HNF1B: variants seen among roughly 807,000 people sequenced by gnomAD.
The protein encoded by HNF1B is hepatocyte nuclear factor 1-beta.
HNF1B carries 8 observed loss-of-function variants against 61.7 expected under a neutral mutation model. That is an observed-to-expected ratio of 0.13 (90% confidence interval 0.08 to 0.23). The LOEUF (loss-of-function observed/expected upper bound fraction) is 0.23, where lower values mean the gene tolerates loss of function less well. HNF1B is among the 10% of genes least tolerant of loss of function. The pLI is 1.00. For missense variants in HNF1B, 562 were observed against 714.5 expected, an observed-to-expected ratio of 0.79 and a Z score of 2.43; for synonymous variants, 314 against 287.7, an observed-to-expected ratio of 1.09 and a Z score of -0.93.
chr17:37,703,688 T>TTTA (rs1409038239), intron 6 of HNF1B, among the ~76,000 whole-genome samples: 1 of 152,214 alleles, frequency 6.6e-6, no homozygotes, highest in Admixed American at 6.5e-5. Flanking sequence ...GTGAGTTCTC[T>TTTA]AAATGCTTCC....
intron 2 of HNF1B, among the ~76,000 whole-genome samples, chr17:37,736,687 A>G (rs962782458): frequency 2.6e-5 from 4 of 151,972 alleles, no homozygotes; most frequent in Non-Finnish European, 5.9e-5. Flanking sequence ...GGTGTGAGAC[A>G]CTCTCGCAGC....
chr17:37,701,617 G>C (rs1455193198), intron 6 of HNF1B, among the ~76,000 whole-genome samples: 2 of 152,222 alleles, frequency 1.3e-5, no homozygotes, highest in Non-Finnish European at 2.9e-5. Context: ...GTAGAGGGCA[G>C]GAGTGTGCAG....
At chr17:37,744,411 G>A in intron 1 of HNF1B, 130 bp downstream of exon 1, 1 of 904,378 alleles carries the variant, frequency 1.1e-6, no homozygotes. Flanking sequence ...GAGAGAAGCA[G>A]AGCGCCCCCC....
chr17:37,710,437 G>A (rs1271455211), intron 5 of HNF1B, 66 bp downstream of exon 5: 9 of 1,574,666 alleles, frequency 5.7e-6, no homozygotes, highest in East Asian at 4.5e-5. Flanking sequence ...GGCCTTGTGA[G>A]AAGTTGTGTT....
Position 37,687,263 on chromosome 17 carries a change from C to G in HNF1B, c.*109G>C, listed in dbSNP as rs919542770. 1 of 1,588,118 alleles carries G rather than the reference C, an allele frequency of 6.3e-7. No individual in the cohort carries two copies. Reference sequence around the variant, plus strand: ...GTCCGTCAGGTAAGCAGGGACCTCTCGCAGGTGCTGGTCAGGTCACTGGGC... The same window carrying G: ...GTCCGTCAGGTAAGCAGGGACCTCTGGCAGGTGCTGGTCAGGTCACTGGGC... On this transcript the variant is annotated 3_prime_UTR_variant, in exon 9 of 9. Transcript: ENST00000617811.
intron 8 of HNF1B, among the ~76,000 whole-genome samples, chr17:37,689,852 G>A (rs759502278): frequency 2.6e-5 from 4 of 152,184 alleles, no homozygotes; most frequent in South Asian, 2.1e-4. Flanking sequence ...GGTGATTATC[G>A]TGAATTCATT....
chr17:37,742,575 G>A (rs1246643638), intron 1 of HNF1B, among the ~76,000 whole-genome samples: 1 of 152,116 alleles, frequency 6.6e-6, no homozygotes, highest in Non-Finnish European at 1.5e-5. Context: ...GGGGAGGAAA[G>A]GCAGCACCCG....
At chr17:37,731,860 T>A in intron 3 of HNF1B, 30 bp from the exon 4 acceptor site, 1 of 959,102 alleles carries the variant, frequency 1.0e-6, no homozygotes, top group Non-Finnish European at 1.4e-6. Context: ...AGATGGTGAG[T>A]GAGGGGGGGC....
chr17:37,741,266 T>G (rs2033984470), intron 1 of HNF1B, among the ~76,000 whole-genome samples: 1 of 152,222 alleles, frequency 6.6e-6, no homozygotes, highest in African/African-American at 2.4e-5. Context: ...ATCGAACATA[T>G]TTTATAAGCA....
chr17:37,690,136 G>C (rs1302434560), intron 8 of HNF1B, among the ~76,000 whole-genome samples: 1 of 152,170 alleles, frequency 6.6e-6, no homozygotes, highest in African/African-American at 2.4e-5. Context: ...ATGGGAATCA[G>C]GCGAGGCCTC....
rs1598814989 is a variant in HNF1B, at chr17:37,710,558, A to C, written c.1151T>G (p.Val384Gly). The C allele has an allele frequency of 1.9e-6, 3 of 1,613,992 alleles. No individual in the cohort carries two copies. The highest frequency in any genetic ancestry group is 1.7e-4 in the Middle Eastern group (1 of 6,054). Reference protein sequence around the residue: ...MVTSQSVLQQVSPASLDPGHN... With the variant: ...MVTSQSVLQQGSPASLDPGHN... ...GCCTGGGTCCAGGCTGGCTGGGGAG[A>C]CTTGCTGTAAAACCGACTGGCTGGT... The change falls in exon 5 of 9, where the codon GTC becomes GGC. Residue 384 changes from valine (V) to glycine (G), a missense_variant. This residue lies in a region of HNF1B where 211 missense variants were observed against 200.7 expected (regional missense o/e 1.05). Transcript: ENST00000617811.
chr17:37,704,776 T>G, intron 6 of HNF1B, 141 bp downstream of exon 6: 1 of 940,292 alleles, frequency 1.1e-6, no homozygotes, highest in Non-Finnish European at 1.7e-6. Context: ...AGGAGACAGA[T>G]GAGAAACTAA....
Position 37,739,474 on chromosome 17 carries a change from G to C in HNF1B, c.510C>G (p.Thr170=). 6.2e-7 allele frequency: 1 copy of C among 1,614,154 alleles called. No homozygotes were observed. Among genetic ancestry groups the C allele is most frequent in the South Asian group, 1.1e-5 (1 of 91,080 alleles). ...TCTCTCGTTGCTTTCTGACGTACCA[G>C]GTGTACAGAGCGGCACGCTTCTGGG... ...MKTQKRAALY[T]WYVRKQREIL... Residue 170 remains threonine (T), a synonymous_variant, in exon 2 of 9, where the codon ACC becomes ACG. Transcript: ENST00000617811.
intron 3 of HNF1B, among the ~76,000 whole-genome samples, chr17:37,733,319 G>A (rs2033742450): frequency 6.6e-6 from 1 of 152,172 alleles, no homozygotes; most frequent in African/African-American, 2.4e-5. Context: ...CTTGACTGCA[G>A]GGCTTCTCGG....
chr17:37,733,545 T>C lies in HNF1B; in HGVS notation c.809+12A>G. ...TTGCCCACCTGCCCAGGTGAGCTTC[T>C]GGTGGTGTTACCTGTTGCATTCCTC... On this transcript the variant is annotated intron_variant, in intron 3 of 8. Coordinates refer to ENST00000617811, the MANE Select transcript of HNF1B (RefSeq NM_000458.4). 1 of 1,614,200 alleles carries C rather than the reference T, an allele frequency of 6.2e-7. No homozygotes were observed. The highest frequency in any genetic ancestry group is 8.5e-7 in the Non-Finnish European group (1 of 1,180,042).
At chr17:37,691,782 T>C (rs1333515334) in intron 8 of HNF1B, among the ~76,000 whole-genome samples, 2 of 152,172 alleles carry the variant, frequency 1.3e-5, no homozygotes, top group East Asian at 3.9e-4. Flanking sequence ...CCCAGGTCGA[T>C]GCTCCCAACC....
chr17:37,718,279 C>G (rs148641747), intron 4 of HNF1B, among the ~76,000 whole-genome samples: 1 of 152,180 alleles, frequency 6.6e-6, no homozygotes, highest in African/African-American at 2.4e-5. Flanking sequence ...TGTCCTCCCC[C>G]ACAAGGTCTA....
intron 4 of HNF1B, among the ~76,000 whole-genome samples, chr17:37,713,343 C>T (rs752738368): frequency 3.3e-5 from 5 of 152,144 alleles, no homozygotes; most frequent in Non-Finnish European, 7.3e-5. Context: ...CCAAAGGCTA[C>T]GCAATTATTT....
chr17:37,727,380 T>C (rs1222042221), intron 4 of HNF1B, among the ~76,000 whole-genome samples: 1 of 152,148 alleles, frequency 6.6e-6, no homozygotes, highest in Non-Finnish European at 1.5e-5. Flanking sequence ...GCCTGCAGCC[T>C]GCTACAGTAA....
Sources: allele counts gnomAD v4.1 joint callset (sites outside exome capture counted in the v4.1 genomes callset), GRCh38; gene constraint gnomAD v4.1.1; regional missense constraint gnomAD v4.1.1; transcripts MANE v1.5; gene names NCBI Gene and HGNC (gene_info 2026-07-23, HGNC 2026-07-21).